The following ARFGEF2 variants were observed in gnomAD, a reference collection of about 807,000 sequenced individuals.
ARFGEF2 encodes brefeldin A-inhibited guanine nucleotide-exchange protein 2.
Under a neutral mutation model 219.9 loss-of-function variants are expected in ARFGEF2, and 74 were observed. The observed-to-expected ratio is 0.34, with a 90% CI of 0.28 to 0.41. The LOEUF is 0.41. Among genes scored for constraint, ARFGEF2 ranks in the 10% least tolerant of loss-of-function variants. The pLI, the probability that ARFGEF2 is intolerant of heterozygous loss-of-function variation, is 1.00. For missense variants in ARFGEF2, 1,743 were observed against 2,218.3 expected, an observed-to-expected ratio of 0.79 and a Z score of 4.30; for synonymous variants, 733 against 799.2, an observed-to-expected ratio of 0.92 and a Z score of 1.40.
At position 48,953,745 on chromosome 20, in the gene ARFGEF2, A is replaced by G. The variant is rs2091087805; in HGVS notation, c.793A>G (p.Thr265Ala). ...HARSDSGKVS[T>A]ENGDAPRERG... ...CAGGAGTGATTCTGGAAAAGTAAGC[A>G]CAGAAAATGGAGACGCACCCAGAGA... The change falls in exon 6 of 39, where the codon ACA (threonine) becomes GCA (alanine). Residue 265 changes from threonine (T) to alanine (A), a missense_variant. Coordinates refer to ENST00000371917, the MANE Select transcript of ARFGEF2 (RefSeq NM_006420.3). 1.2e-6 allele frequency: 2 copies of G among 1,614,218 alleles called. No homozygotes were observed. The highest frequency in any genetic ancestry group is 8.5e-7 in the Non-Finnish European group (1 of 1,180,036).
At chr20:48,944,209 A>AT (rs1476137545) in intron 3 of ARFGEF2, among the ~76,000 whole-genome samples, 1 of 152,118 alleles carries the variant, frequency 6.6e-6, no homozygotes, top group East Asian at 1.9e-4. Context: ...ATCCTAAAAT[A>AT]TTTTTTGCTG....
chr20:48,951,352 C>T lies in ARFGEF2; in HGVS notation c.306C>T (p.Gly102=). 6.2e-7 allele frequency: 1 copy of T among 1,614,184 alleles called. No homozygotes were observed. Residue 102 remains glycine (G), a synonymous_variant, in exon 4 of 39, where the codon GGC becomes GGT. Coordinates refer to ENST00000371917, the MANE Select transcript of ARFGEF2 (RefSeq NM_006420.3). ...TCATCGCATACGGGCACATCACTGGCAACGCCCCTGACAGTGGAGCCCCTG... is the reference window on the plus strand; with the variant it reads ...TCATCGCATACGGGCACATCACTGGTAACGCCCCTGACAGTGGAGCCCCTG... The part of the protein sequence containing the change: ...QKLIAYGHIT[G]NAPDSGAPGK...
intron 27 of ARFGEF2, 22 bp downstream of exon 27, chr20:49,010,426 C>T: frequency 6.2e-7 from 1 of 1,612,034 alleles, no homozygotes; most frequent in Non-Finnish European, 8.5e-7. Flanking sequence ...TGTTCCCTCC[C>T]TACTAATGTC....
chr20:49,014,641 G>A (rs1568738640), intron 30 of ARFGEF2, among the ~76,000 whole-genome samples: 4 of 151,950 alleles, frequency 2.6e-5, no homozygotes, highest in Middle Eastern at 3.4e-3. Flanking sequence ...AATATGATTC[G>A]GAGGCCAGGC....
intron 22 of ARFGEF2, 100 bp from the exon 23 acceptor site, chr20:48,995,683 A>T: frequency 9.6e-7 from 1 of 1,039,226 alleles, no homozygotes. Context: ...AGTCATTCCC[A>T]TTTATGTCCC....
At chr20:49,004,689 G>C (rs1488055646) in intron 25 of ARFGEF2, among the ~76,000 whole-genome samples, 1 of 151,946 alleles carries the variant, frequency 6.6e-6, no homozygotes, top group East Asian at 1.9e-4. Flanking sequence ...CTACTTGGGA[G>C]GTTGAGGCAG....
At chr20:48,974,666 ATTTC>A in intron 12 of ARFGEF2, 96 bp from the exon 13 acceptor site, 1 of 884,946 alleles carries the variant, frequency 1.1e-6, no homozygotes, top group Non-Finnish European at 1.8e-6. Flanking sequence ...ACTGTCAGTG[ATTTC>A]TTTCTTAGCC....
At chr20:48,935,235 C>T (rs553413135) in intron 1 of ARFGEF2, among the ~76,000 whole-genome samples, 4 of 152,256 alleles carry the variant, frequency 2.6e-5, no homozygotes, top group East Asian at 1.9e-4. Context: ...GCAGAGGACC[C>T]TGCGGCCTTC....
At chr20:48,967,345 C>G (rs939017727) in intron 8 of ARFGEF2, among the ~76,000 whole-genome samples, 2 of 152,138 alleles carry the variant, frequency 1.3e-5, no homozygotes, top group East Asian at 1.9e-4. Context: ...TTAACCAATT[C>G]CCTATTGGGT....
At chr20:48,966,995 C>A (rs1175536513) in intron 8 of ARFGEF2, among the ~76,000 whole-genome samples, 1 of 152,086 alleles carries the variant, frequency 6.6e-6, no homozygotes, top group Non-Finnish European at 1.5e-5. Context: ...TACAGGCATG[C>A]ACCACCATAC....
chr20:49,003,438 C>G (rs1197658112), intron 25 of ARFGEF2, among the ~76,000 whole-genome samples: 1 of 151,518 alleles, frequency 6.6e-6, no homozygotes, highest in African/African-American at 2.4e-5. Context: ...AACCCCGTCT[C>G]TACTAAAAAT....
chr20:48,930,493 T>C (rs2090906521), intron 1 of ARFGEF2, among the ~76,000 whole-genome samples: 1 of 152,158 alleles, frequency 6.6e-6, no homozygotes, highest in East Asian at 1.9e-4. Flanking sequence ...CAAAACCTTG[T>C]GATGGAGCGA....
At chr20:48,934,702 G>A (rs1207433934) in intron 1 of ARFGEF2, among the ~76,000 whole-genome samples, 1 of 152,178 alleles carries the variant, frequency 6.6e-6, no homozygotes, top group Admixed American at 6.5e-5. Flanking sequence ...TTTTATGGTT[G>A]CATAGTAGTC....
chr20:48,954,027 A>G (rs757027784), intron 6 of ARFGEF2, among the ~76,000 whole-genome samples: 10 of 152,176 alleles, frequency 6.6e-5, no homozygotes, highest in East Asian at 5.8e-4. Flanking sequence ...TCTAGCTGCT[A>G]CTTCTTCATG....
At chr20:48,949,235 C>T (rs997831422) in intron 3 of ARFGEF2, among the ~76,000 whole-genome samples, 30 of 152,194 alleles carry the variant, frequency 2.0e-4, no homozygotes, top group African/African-American at 6.7e-4. Context: ...AGTTAAAGTG[C>T]GAAAGTCGTA....
chr20:48,978,232 G>A (rs1166528300), intron 14 of ARFGEF2, among the ~76,000 whole-genome samples: 1 of 152,168 alleles, frequency 6.6e-6, no homozygotes, highest in East Asian at 1.9e-4. Flanking sequence ...TATTAAATAG[G>A]AAATCCTTTC....
chr20:49,016,577 C>T (rs985303666), intron 31 of ARFGEF2, among the ~76,000 whole-genome samples, 162 bp downstream of exon 31: 1 of 152,042 alleles, frequency 6.6e-6, no homozygotes, highest in South Asian at 2.1e-4. Flanking sequence ...ACAGTGCCCC[C>T]CCCAAGTCAG....
intron 9 of ARFGEF2, among the ~76,000 whole-genome samples, chr20:48,970,534 C>A (rs1488733698): frequency 6.6e-6 from 1 of 151,954 alleles, no homozygotes; most frequent in African/African-American, 2.4e-5. Context: ...CGCTTGAACC[C>A]AGGAGACGGA....
chr20:48,927,086 G>C (rs2090882164), intron 1 of ARFGEF2, among the ~76,000 whole-genome samples: 2 of 152,204 alleles, frequency 1.3e-5, no homozygotes, highest in South Asian at 4.1e-4. Flanking sequence ...AAGTTTGGTT[G>C]TGTTGTAAAG....
Sources: allele counts gnomAD v4.1 joint callset (sites outside exome capture counted in the v4.1 genomes callset), GRCh38; gene constraint gnomAD v4.1.1; transcripts MANE v1.5; gene names NCBI Gene and HGNC (gene_info 2026-07-23, HGNC 2026-07-21).